The following STRN variants were observed in gnomAD, a reference collection of about 807,000 sequenced individuals.
STRN encodes striatin.
In STRN, 53 loss-of-function variants were observed where a neutral mutation model predicts 96.3. The observed-to-expected ratio is 0.55, with a 90% CI of 0.44 to 0.69. STRN has a LOEUF of 0.69. STRN is among the 30% of genes least tolerant of loss of function. STRN has a pLI of 0.00. For missense variants in STRN, 987 were observed against 963.9 expected (o/e 1.02, Z -0.32); for synonymous variants, 428 against 355.9 (o/e 1.20, Z -2.28).
chr2:36,918,242 C>T (rs1337536113), intron 2 of STRN, among the ~76,000 whole-genome samples: 1 of 152,086 alleles, frequency 6.6e-6, no homozygotes, highest in South Asian at 2.1e-4. Context: ...GATTTACAGA[C>T]ATTCATCTGA....
chr2:36,888,657 G>C (rs1326359019), intron 7 of STRN, among the ~76,000 whole-genome samples: 2 of 151,700 alleles, frequency 1.3e-5, no homozygotes, highest in African/African-American at 4.8e-5. Context: ...GTGTGTGTGT[G>C]TGTGTGTGTG....
intron 1 of STRN, among the ~76,000 whole-genome samples, chr2:36,936,686 T>G (rs1328249177): frequency 6.6e-6 from 1 of 152,224 alleles, no homozygotes; most frequent in Non-Finnish European, 1.5e-5. Flanking sequence ...AATAGGAGTA[T>G]GCATGTTCTC....
rs773811433 is a variant in STRN at position 36,883,941 on chromosome 2, C to G, written c.1177G>C (p.Ala393Pro). The G allele has an allele frequency of 1.2e-5, 17 of 1,393,156 alleles. No homozygotes were observed. The highest frequency in any genetic ancestry group is 1.6e-5 in the Non-Finnish European group (17 of 1,067,614). 86.3% of individuals were successfully genotyped at this position (1,393,156 alleles called of 1,614,324 possible). Reference sequence around the variant, plus strand: ...TATCTTAAATACTTACCTTCATCTGCCCTATTAATTTCATGTTCAGGAAGC... The same window carrying G: ...TATCTTAAATACTTACCTTCATCTGGCCTATTAATTTCATGTTCAGGAAGC... ...SRLPEHEINRADEVEALTFPP... is the reference protein window; with the variant it reads ...SRLPEHEINRPDEVEALTFPP... Residue 393 changes from alanine to proline, a missense_variant, in exon 9 of 18, where the codon GCA becomes CCA. Ala to Pro is a conservative substitution (Grantham distance 27, BLOSUM62 -1). Coordinates refer to ENST00000263918, the MANE Select transcript of STRN (RefSeq NM_003162.4).
intron 1 of STRN, among the ~76,000 whole-genome samples, chr2:36,934,992 C>T (rs1392463299): frequency 2.0e-5 from 3 of 152,168 alleles, no homozygotes; most frequent in Non-Finnish European, 4.4e-5. Flanking sequence ...GCACAAGAAT[C>T]GCTTGAATTT....
chr2:36,926,697 C>T (rs1044675890), intron 1 of STRN, among the ~76,000 whole-genome samples: 1 of 152,050 alleles, frequency 6.6e-6, no homozygotes, highest in Admixed American at 6.6e-5. Flanking sequence ...TCAATGTGCT[C>T]TTAAATTTTA....
At position 36,860,422 on chromosome 2, in the gene STRN, A is replaced by G. The variant is rs192295516; in HGVS notation, c.1669+710T>C. ...GCTCGTTAAATAAATGCTGGGAAAA[A>G]TTTTTGTTTATTGAATTTCTTATCC... On this transcript the variant is annotated intron_variant, in intron 13 of 17. Transcript: ENST00000263918. 5.9e-4 allele frequency among the ~76,000 whole-genome samples: 90 copies of G among 152,248 alleles called. 1 individual carries two copies. The highest frequency in any genetic ancestry group is 2.0e-3 in the African/African-American group (83 of 41,550).
At position 36,871,307 on chromosome 2, in the gene STRN, T is replaced by C. The variant is rs570523855; in HGVS notation, c.1324-1578A>G. 3.3e-5 allele frequency among the ~76,000 whole-genome samples: 5 copies of C among 152,340 alleles called. 1 individual carries two copies. The South Asian group carries it at 1.0e-3, about 32-fold the overall frequency. ...CAACTTTCAGTCCTGCAAGCTCCAT[T>C]CGTGATAAGTGTCCTATACAGGTGT... On this transcript the variant is annotated intron_variant, in intron 10 of 17. Transcript: ENST00000263918.
intron 7 of STRN, among the ~76,000 whole-genome samples, chr2:36,888,956 T>C (rs1032324644): frequency 3.3e-5 from 5 of 152,140 alleles, no homozygotes; most frequent in Non-Finnish European, 7.3e-5. Flanking sequence ...AGTGCTGGGA[T>C]TACAGGCATG....
rs558376063 is a variant in STRN, at chr2:36,842,191, T to G, written c.*7265A>C. On this transcript the variant is annotated 3_prime_UTR_variant, in exon 18 of 18. Coordinates refer to ENST00000263918, the MANE Select transcript of STRN (RefSeq NM_003162.4). ...TTAATGTAAAACGTTGCTTTCCATG[T>G]GCTTTTTTTTCTTAAAGTTTTCAGT... 6.6e-6 allele frequency: 1 copy of G among 152,324 alleles called. No homozygotes were observed. The highest frequency in any genetic ancestry group is 6.5e-5 in the Admixed American group (1 of 15,296). The allele number at this position is 152,324 out of a possible 1,614,324, so 9.4% of individuals were successfully genotyped here.
At chr2:36,916,306 A>C (rs763043423) in intron 2 of STRN, among the ~76,000 whole-genome samples, 155 bp from the exon 3 acceptor site, 7 of 152,162 alleles carry the variant, frequency 4.6e-5, no homozygotes, top group Non-Finnish European at 1.0e-4. Flanking sequence ...TATAATACAA[A>C]AGTGCTTGCC....
chr2:36,881,179 G>T (rs1015364752), intron 9 of STRN, among the ~76,000 whole-genome samples: 1 of 136,868 alleles, frequency 7.3e-6, no homozygotes, highest in African/African-American at 2.8e-5. Context: ...CCAGACTGAA[G>T]TGCAGTGGTG....
chr2:36,893,187 G>C (rs1669445974), intron 7 of STRN, among the ~76,000 whole-genome samples: 1 of 152,052 alleles, frequency 6.6e-6, no homozygotes, highest in Non-Finnish European at 1.5e-5. Flanking sequence ...CTGGCTATAA[G>C]CCTTAATGCC....
chr2:36,851,070 A>G lies in STRN; in HGVS notation c.2016T>C (p.Ser672=), dbSNP rs760670922. 1.8e-5 allele frequency: 29 copies of G among 1,613,710 alleles called. No homozygotes were observed. The South Asian group carries it at 3.2e-4, about 18-fold the overall frequency. The change falls in exon 16 of 18, where the codon AGT becomes AGC. Residue 672 remains serine, a synonymous_variant. Transcript: ENST00000263918. ...TGATGCTGATCGGAAGAGTAGGATGACTGATGACTCTATTTATTTGGCAGG... is the reference window on the plus strand; with the variant it reads ...TGATGCTGATCGGAAGAGTAGGATGGCTGATGACTCTATTTATTTGGCAGG... ...NSSCQINRVI[S]HPTLPISITA...
chr2:36,861,484 T>A (rs1004725325), intron 12 of STRN, among the ~76,000 whole-genome samples: 3 of 152,118 alleles, frequency 2.0e-5, no homozygotes, highest in Non-Finnish European at 4.4e-5. Flanking sequence ...TTCTGTACAG[T>A]CCTCAAGCTA....
intron 13 of STRN, among the ~76,000 whole-genome samples, chr2:36,858,484 T>C (rs1668404513): frequency 6.6e-6 from 1 of 152,206 alleles, no homozygotes; most frequent in African/African-American, 2.4e-5. Flanking sequence ...GATGGCAGTT[T>C]TTCCTGAAAA....
chr2:36,884,327 G>C (rs1005055857), intron 8 of STRN, among the ~76,000 whole-genome samples: 1 of 152,176 alleles, frequency 6.6e-6, no homozygotes, highest in Non-Finnish European at 1.5e-5. Context: ...CTCGTGTCCA[G>C]TTAGACCATG....
chr2:36,864,566 G>C, intron 12 of STRN, among the ~76,000 whole-genome samples: 1 of 152,220 alleles, frequency 6.6e-6, no homozygotes, highest in East Asian at 1.9e-4. Flanking sequence ...CTAGTAATTG[G>C]TTGAAGATTT....
rs1379359725 is a variant in STRN, at chr2:36,848,020, T to A, written c.*1436A>T. Reference sequence around the variant, plus strand: ...TTTGGGACAAAGAGTAAGAGAGACATAAACCACTATAGAAATAATGTCTTT... The same window carrying A: ...TTTGGGACAAAGAGTAAGAGAGACAAAAACCACTATAGAAATAATGTCTTT... On this transcript the variant is annotated 3_prime_UTR_variant, in exon 18 of 18. Coordinates refer to ENST00000263918, the MANE Select transcript of STRN (RefSeq NM_003162.4). The A allele has an allele frequency of 6.6e-6, 1 of 152,192 alleles. No individual in the cohort carries two copies. The highest frequency in any genetic ancestry group is 1.9e-4 in the East Asian group (1 of 5,206). 9.4% of individuals were successfully genotyped at this position (152,192 alleles called of 1,614,324 possible).
chr2:36,925,027 G>C, intron 2 of STRN, 78 bp downstream of exon 2: 3 of 1,341,874 alleles, frequency 2.2e-6, no homozygotes, highest in Non-Finnish European at 3.2e-6. Context: ...TTGCACCCCA[G>C]CCTGGGCAAC....
Sources: allele counts gnomAD v4.1 joint callset (sites outside exome capture counted in the v4.1 genomes callset), GRCh38; gene constraint gnomAD v4.1.1; transcripts MANE v1.5; gene names NCBI Gene and HGNC (gene_info 2026-07-23, HGNC 2026-07-21).